Variants in CANX observed in about 807,000 individuals in gnomAD.
The protein encoded by CANX is epididymis secretory sperm binding protein.
CANX carries 14 observed loss-of-function variants against 75.7 expected under a neutral mutation model. That is an observed-to-expected ratio of 0.19 (90% CI 0.12 to 0.29). The LOEUF (loss-of-function observed/expected upper bound fraction) is 0.29. Among genes scored for constraint, CANX ranks in the 10% least tolerant of loss-of-function variants. The pLI, the probability that CANX is intolerant of heterozygous loss-of-function variation, is 1.00. For synonymous variants in CANX, 227 were observed against 236.9 expected (o/e 0.96, Z 0.38); for missense variants, 567 against 713.2 (o/e 0.79, Z 2.34).
rs1350162562 is a variant in CANX, at chr5:179,698,973, G to A, written c.-133G>A. 1.1e-5 allele frequency: 12 copies of A among 1,125,970 alleles called. No individual in the cohort carries two copies. The highest frequency in any genetic ancestry group is 9.9e-6 in the Non-Finnish European group (9 of 912,316). 69.7% of individuals were successfully genotyped at this position (1,125,970 alleles called of 1,614,324 possible). A position where few individuals can be genotyped will look rare whatever the true frequency, so the allele number is the denominator to read the frequency against. On this transcript the variant is annotated 5_prime_UTR_variant, in exon 1 of 15. Transcript: ENST00000247461. ...TGGGGCTCGCTCGCGCGGCAGCGGT[G>A]GCCGAGGCCTCTTGGTTCTGCGGCA...
intron 1 of CANX, among the ~76,000 whole-genome samples, chr5:179,703,986 A>G (rs891541367): frequency 1.3e-5 from 2 of 152,036 alleles, no homozygotes; most frequent in African/African-American, 4.8e-5. Context: ...GGATGTGAGG[A>G]GAAAAGGACA....
intron 1 of CANX, among the ~76,000 whole-genome samples, chr5:179,682,120 C>T (rs537220492): frequency 3.3e-5 from 5 of 151,510 alleles, no homozygotes; most frequent in East Asian, 1.9e-4. Context: ...GGTGTGGTGG[C>T]GGGTGCCTGT....
In CANX at chr5:179,689,416, T is replaced by G. The variant is rs537753745; in HGVS notation, c.-4+10639T>G. ...TTTTTTTTTTTTTTGAGACAGAGTT[T>G]TGCTCTTGTTGCCCAGGTGGGAGTG... On this transcript the variant is annotated intron_variant, in intron 1 of 14. Transcript: ENST00000681674. 1.2e-4 allele frequency among the ~76,000 whole-genome samples: 14 copies of G among 116,142 alleles called. No individual in the cohort carries two copies. In the South Asian group the frequency reaches 4.8e-3, roughly 40 times the overall value. 76.2% of individuals were successfully genotyped at this position (116,142 alleles called of 152,430 possible).
chr5:179,701,736 CTTT>C (rs558907168), intron 1 of CANX, among the ~76,000 whole-genome samples: 6 of 43,998 alleles, frequency 1.4e-4, no homozygotes, highest in South Asian at 1.2e-3. Flanking sequence ...AACAGATGTA[CTTT>C]TTTTTTTTTT....
chr5:179,717,262 C>T (rs7709723), intron 8 of CANX, among the ~76,000 whole-genome samples: 42,664 of 151,988 alleles, frequency 0.28, 6,307 homozygotes, highest in Non-Finnish European at 0.33. Flanking sequence ...GCCAAGTTTA[C>T]TTGTATATTT....
chr5:179,715,919 T>A (rs1345901548), intron 7 of CANX, 186 bp from the exon 8 acceptor site: 1 of 685,610 alleles, frequency 1.5e-6, no homozygotes, highest in Admixed American at 2.0e-5. Context: ...GACTAATCAT[T>A]TATGTTTCGT....
intron 8 of CANX, among the ~76,000 whole-genome samples, chr5:179,718,474 C>T (rs1196320673): frequency 1.3e-5 from 2 of 152,116 alleles, no homozygotes; most frequent in African/African-American, 4.8e-5. Context: ...CTACCAGCCT[C>T]AGCCTCCCAA....
At chr5:179,682,372 C>T (rs976823166) in intron 1 of CANX, among the ~76,000 whole-genome samples, 15 of 150,664 alleles carry the variant, frequency 1.0e-4, no homozygotes, top group African/African-American at 3.2e-4. Flanking sequence ...GTCAGGAGAT[C>T]GAGATCATCC....
At chr5:179,705,938 C>G in intron 2 of CANX, 86 bp downstream of exon 2, 1 of 1,120,482 alleles carries the variant, frequency 8.9e-7, no homozygotes, top group Non-Finnish European at 1.3e-6. Flanking sequence ...AATGTAGTCT[C>G]AACTACTCAG....
At chr5:179,720,030 C>T (rs770407069) in intron 9 of CANX, among the ~76,000 whole-genome samples, 10 of 151,844 alleles carry the variant, frequency 6.6e-5, no homozygotes, top group Non-Finnish European at 8.8e-5. Flanking sequence ...GGACTTTCAC[C>T]GTGTTGGCCA....
rs573306636 is a variant in CANX at position 179,726,584 on chromosome 5, A to T, written c.1646-96A>T. 4.5e-6 allele frequency: 4 copies of T among 879,536 alleles called. No individual in the cohort carries two copies. In the African/African-American group the frequency reaches 6.9e-5, roughly 15 times the overall value. The allele number at this position is 879,536 out of a possible 1,614,324, so 54.5% of individuals were successfully genotyped here. A position where few individuals can be genotyped will look rare whatever the true frequency, so the allele number is the denominator to read the frequency against. On this transcript the variant is annotated intron_variant, in intron 13 of 14. Coordinates refer to ENST00000247461, the MANE Select transcript of CANX (RefSeq NM_001746.4). ...GAGCAAGACTCTGTCTCCAAAAAAA[A>T]AAAAAAAAATTGTAGATCTAGAGAT...
At chr5:179,707,513 G>A (rs1310088343) in intron 4 of CANX, among the ~76,000 whole-genome samples, 2 of 150,950 alleles carry the variant, frequency 1.3e-5, no homozygotes, top group East Asian at 3.9e-4. Flanking sequence ...GAACCCGGGA[G>A]GCCAAGCTTG....
At position 179,705,670 on chromosome 5, in the gene CANX, T is replaced by C; in HGVS notation, c.-3-9T>C. 6.2e-7 allele frequency: 1 copy of C among 1,608,554 alleles called. No homozygotes were observed. Among genetic ancestry groups the C allele is most frequent in the South Asian group, 1.1e-5 (1 of 90,520 alleles). ...AATACATTTAACTGATTTTGCTCTT[T>C]ATGTGTAGATCATGGAAGGGAAGTG... On this transcript the variant is annotated splice_polypyrimidine_tract_variant and intron_variant, in intron 1 of 14. Coordinates refer to ENST00000247461, the MANE Select transcript of CANX (RefSeq NM_001746.4).
intron 1 of CANX, among the ~76,000 whole-genome samples, chr5:179,692,026 C>T (rs1277637600): frequency 2.0e-5 from 3 of 150,982 alleles, no homozygotes. Context: ...ATGATCCACC[C>T]ACCTCAGCCT....
At chr5:179,721,182 A>G (rs566394398) in intron 10 of CANX, among the ~76,000 whole-genome samples, 1 of 151,846 alleles carries the variant, frequency 6.6e-6, no homozygotes, top group Non-Finnish European at 1.5e-5. Flanking sequence ...GGTTCAAGCA[A>G]TTCTCCTGAC....
intron 13 of CANX, 112 bp from the exon 14 acceptor site, chr5:179,726,568 T>G: frequency 1.5e-6 from 1 of 679,672 alleles, no homozygotes; most frequent in East Asian, 2.8e-5. Context: ...AGAGCAAGAC[T>G]CTGTCTCCAA....
chr5:179,688,015 A>G (rs909542237), intron 1 of CANX, among the ~76,000 whole-genome samples: 12 of 150,914 alleles, frequency 8.0e-5, no homozygotes, highest in Non-Finnish European at 1.6e-4. Flanking sequence ...AGCTTGGGCA[A>G]TGGTGCAAGA....
rs1268837184 is a variant in CANX, at chr5:179,729,056, A to G, written c.*412A>G. ...TAGGGAGATGAGTTGCAGTTTTTAT[A>G]ATAGATTTTTTTTAAAGTTTGGTAT... is the stretch of plus-strand genomic sequence containing the variant. On this transcript the variant is annotated 3_prime_UTR_variant, in exon 15 of 15. Transcript: ENST00000247461. The G allele has an allele frequency of 8.9e-6, 2 of 225,016 alleles. No homozygotes were observed. The highest frequency in any genetic ancestry group is 5.5e-5 in the Admixed American group (1 of 18,162). 13.9% of individuals were successfully genotyped at this position (225,016 alleles called of 1,614,324 possible).
chr5:179,682,326 C>T (rs2113025576), intron 1 of CANX, among the ~76,000 whole-genome samples: 1 of 152,052 alleles, frequency 6.6e-6, no homozygotes, highest in Middle Eastern at 3.4e-3. Flanking sequence ...CCTGTAATCC[C>T]AGCACTTTGG....
Sources: allele counts gnomAD v4.1 joint callset (sites outside exome capture counted in the v4.1 genomes callset), GRCh38; gene constraint gnomAD v4.1.1; transcripts MANE v1.5; gene names NCBI Gene and HGNC (gene_info 2026-07-23, HGNC 2026-07-21).